The following C16orf46 variants were observed in gnomAD, a reference collection of about 807,000 sequenced individuals.
The protein encoded by C16orf46 is chromosome 16 open reading frame 46.
A neutral mutation model predicts 5.5 loss-of-function variants in C16orf46; 7 were observed. The ratio of observed to expected loss-of-function variants is 1.28; its 90% CI spans 0.73 to 2.40. The LOEUF is 2.40. Ranked by LOEUF, C16orf46 falls within the 30% of genes most tolerant of loss-of-function variation. The pLI, the probability that C16orf46 is intolerant of heterozygous loss-of-function variation, is 0.00. For missense variants in C16orf46, 614 were observed against 476.0 expected, an observed-to-expected ratio of 1.29 and a Z score of -2.70; for synonymous variants, 200 against 184.1, an observed-to-expected ratio of 1.09 and a Z score of -0.70.
At chr16:81,076,922 T>C (rs1489569978) in intron 1 of C16orf46, 1 of 152,126 alleles carries the variant, frequency 6.6e-6, no homozygotes, top group Non-Finnish European at 1.5e-5. Context: ...GTCCTCCGTC[T>C]ACCCACCCTT....
In C16orf46 at chr16:81,062,206, C is replaced by A. The variant is rs138473797; in HGVS notation, c.211-68G>T. The A allele has an allele frequency of 5.2e-4, 733 of 1,400,594 alleles. 3 individuals are homozygous for A. The African/African-American group carries it at 9.6e-3, about 18-fold the overall frequency. The allele number at this position is 1,400,594 out of a possible 1,614,324, so 86.8% of individuals were successfully genotyped here. On this transcript the variant is annotated intron_variant, in intron 3 of 3. Coordinates refer to ENST00000299578, the MANE Select transcript of C16orf46 (RefSeq NM_152337.3). ...AAACTGTCCTTGCCCCAATTTTGGCCACATTCCCATTTTGGCAGTCTTATG... is the reference window on the plus strand; with the variant it reads ...AAACTGTCCTTGCCCCAATTTTGGCAACATTCCCATTTTGGCAGTCTTATG...
At chr16:81,060,822 G>T, downstream of C16orf46, 2 of 304,150 alleles carry the variant, frequency 6.6e-6, no homozygotes, top group Non-Finnish European at 1.1e-5. Flanking sequence ...GAGGCCCTTT[G>T]GATTCCCCAC....
At position 81,070,709 on chromosome 16, in the gene C16orf46, C is replaced by T. The variant is rs60099256; in HGVS notation, c.-127-4428G>A. The stretch of plus-strand genomic sequence containing the variant: ...TTCACTTACTTATTTATTTTTGAGA[C>T]GCAGTTTTGCTCTTGTTGCCCATGC... On this transcript the variant is annotated intron_variant, in intron 1 of 3. Transcript: ENST00000299578. Among the ~76,000 whole-genome samples, 1,256 of 152,114 alleles carry T rather than the reference C, an allele frequency of 8.3e-3. 12 individuals carry two copies. Among genetic ancestry groups the T allele is most frequent in the African/African-American group, 0.028 (1,181 of 41,454 alleles).
chr16:81,075,352 G>T (rs1262663362), intron 1 of C16orf46, among the ~76,000 whole-genome samples: 1 of 152,098 alleles, frequency 6.6e-6, no homozygotes, highest in East Asian at 1.9e-4. Flanking sequence ...CACTTTGGGA[G>T]GCCGAGGCCG....
chr16:81,054,126 T>C lies in C16orf46; in HGVS notation c.1144-32A>G, dbSNP rs138487129. Reference sequence around the variant, plus strand: ...CGAGAAATTTAATGACTTCAGAAAATGTAGAGCCCATGCTGCAATGAAAAT... The same window carrying C: ...CGAGAAATTTAATGACTTCAGAAAACGTAGAGCCCATGCTGCAATGAAAAT... On this transcript the variant is annotated intron_variant, in intron 3 of 3. Coordinates refer to the C16orf46 transcript ENST00000378611. 879 of 1,603,266 alleles carry C rather than the reference T, an allele frequency of 5.5e-4. 4 individuals carry two copies. The African/African-American group carries it at 0.01, about 18-fold the overall frequency.
At chr16:81,074,086 T>C (rs7206814) in intron 1 of C16orf46, among the ~76,000 whole-genome samples, 125,969 of 152,274 alleles carry the variant, frequency 0.83, 52,945 homozygotes, top group Non-Finnish European at 0.92. Context: ...TGATCTCAAA[T>C]TAAGTCATCC....
chr16:81,059,109 C>A (rs1971387123), downstream of C16orf46, among the ~76,000 whole-genome samples: 1 of 151,774 alleles, frequency 6.6e-6, no homozygotes, highest in Admixed American at 6.6e-5. Context: ...GGCTGGAGTG[C>A]AATGGCGTCA....
At chr16:81,067,009 T>A (rs961583601) in intron 1 of C16orf46, among the ~76,000 whole-genome samples, 5 of 152,144 alleles carry the variant, frequency 3.3e-5, no homozygotes, top group African/African-American at 9.7e-5. Context: ...AGAACCAACA[T>A]GTACAAAAGA....
intron 1 of C16orf46, among the ~76,000 whole-genome samples, chr16:81,070,679 T>G (rs1435291013): frequency 6.6e-6 from 1 of 152,186 alleles, no homozygotes; most frequent in African/African-American, 2.4e-5. Flanking sequence ...TTCCTGTTTT[T>G]TATTTTCACT....
intron 3 of C16orf46, among the ~76,000 whole-genome samples, chr16:81,054,479 G>A (rs1261275123): frequency 3.4e-5 from 4 of 118,086 alleles, no homozygotes; most frequent in Non-Finnish European, 7.0e-5. Context: ...TTAATGAATT[G>A]CAAGCTGGTA....
Position 81,063,747 on chromosome 16 carries a change from G to A in C16orf46, c.209C>T (p.Ala70Val), listed in dbSNP as rs1597143027. Residue 70 changes from alanine (A) to valine (V), a missense_variant and splice_region_variant, in exon 3 of 4, where the codon GCA becomes GTA. Transcript: ENST00000299578. Reference protein sequence around the residue: ...EFIIGTGWEEAVQGWGRTSPA... With the variant: ...EFIIGTGWEEVVQGWGRTSPA... ...GCTGTGACTCAGAAAGATACTCACT[G>A]CCTCTTCCCATCCAGTTCCAATAAT... is the stretch of plus-strand genomic sequence containing the variant. The A allele has an allele frequency of 6.2e-7, 1 of 1,610,552 alleles. No homozygotes were observed.
At chr16:81,072,291 C>T (rs1486500650) in intron 1 of C16orf46, 1 of 140,116 alleles carries the variant, frequency 7.1e-6, no homozygotes, top group African/African-American at 2.7e-5. Flanking sequence ...GGGACTCTGA[C>T]TCTGAGGGGT....
chr16:81,060,234 A>G (rs536356497), downstream of C16orf46, among the ~76,000 whole-genome samples: 2 of 152,124 alleles, frequency 1.3e-5, no homozygotes, highest in African/African-American at 2.4e-5. Flanking sequence ...ATATACATGG[A>G]AACAATCTGA....
chr16:81,063,736 A>G lies in C16orf46; in HGVS notation c.210+10T>C, dbSNP rs775832193. ...GAGACAGAAAAGCTGTGACTCAGAA[A>G]GATACTCACTGCCTCTTCCCATCCA... On this transcript the variant is annotated intron_variant, in intron 3 of 3. Transcript: ENST00000299578. 1.2e-6 allele frequency: 2 copies of G among 1,605,108 alleles called. No individual in the cohort carries two copies. Among genetic ancestry groups the G allele is most frequent in the Admixed American group, 3.4e-5 (2 of 59,672 alleles).
intron 2 of C16orf46, among the ~76,000 whole-genome samples, chr16:81,064,439 A>C (rs187602256): frequency 6.6e-6 from 1 of 152,040 alleles, no homozygotes. Flanking sequence ...ATCCACTGCC[A>C]ACCACTGGCA....
chr16:81,069,684 A>G (rs1300793983), intron 1 of C16orf46, among the ~76,000 whole-genome samples: 1 of 152,190 alleles, frequency 6.6e-6, no homozygotes, highest in African/African-American at 2.4e-5. Context: ...AAAATAACCC[A>G]TATCTACTGT....
chr16:81,056,765 A>C (rs1597134757), downstream of C16orf46, among the ~76,000 whole-genome samples: 3 of 150,860 alleles, frequency 2.0e-5, no homozygotes, highest in Non-Finnish European at 4.4e-5. Flanking sequence ...GGACCTAGGC[A>C]GGTGCCACCA....
downstream of C16orf46, chr16:81,056,227 T>C (rs1254748021): frequency 2.0e-5 from 3 of 152,158 alleles, no homozygotes; most frequent in Non-Finnish European, 4.4e-5. Flanking sequence ...ATCAGAGAAT[T>C]CTGAATAATG....
intron 3 of C16orf46, among the ~76,000 whole-genome samples, chr16:81,055,722 T>C (rs1971275288): frequency 6.6e-6 from 1 of 152,098 alleles, no homozygotes; most frequent in African/African-American, 2.4e-5. Context: ...GAAACTTCTT[T>C]TTTTATTATT....
Sources: gnomAD v4.1 joint callset for allele counts (sites outside exome capture counted in the v4.1 genomes callset) on GRCh38, gnomAD v4.1.1 for gene constraint, MANE v1.5 for transcripts, NCBI Gene and HGNC (gene_info 2026-07-23, HGNC 2026-07-21) for gene names.